ATP1A3: variants seen among roughly 807,000 people sequenced by gnomAD.
ATP1A3 encodes sodium/potassium-transporting ATPase subunit alpha-3.
A neutral mutation model predicts 108.8 loss-of-function variants in ATP1A3; 12 were observed. The ratio of observed to expected loss-of-function variants is 0.11; its 90% confidence interval spans 0.07 to 0.18. The LOEUF is 0.18. ATP1A3 is among the 10% of genes least tolerant of loss of function. ATP1A3 has a pLI of 1.00. For synonymous variants in ATP1A3, 539 were observed against 564.5 expected, an observed-to-expected ratio of 0.95 and a Z score of 0.64; for missense variants, 498 against 1,387.7, an observed-to-expected ratio of 0.36 and a Z score of 10.19.
intron 16 of ATP1A3, 125 bp downstream of exon 16, chr19:41,975,504 C>T (rs1217236197): frequency 1.4e-6 from 2 of 1,401,386 alleles, no homozygotes; most frequent in Non-Finnish European, 9.8e-7. Flanking sequence ...GGCTCAGGCT[C>T]CTCCAGGGCC....
In ATP1A3 at chr19:41,969,444, C is replaced by T. The variant is rs2075078881; in HGVS notation, c.2679G>A (p.Gly893=). 6.2e-7 allele frequency: 1 copy of T among 1,614,184 alleles called. No individual in the cohort carries two copies. The highest frequency in any genetic ancestry group is 8.5e-7 in the Non-Finnish European group (1 of 1,180,034). The part of the protein sequence containing the change: ...RTVNDLEDSY[G]QQWTYEQRKV... ...ACCCTGCCCTACTCACCCACTGCTG[C>T]CCGTAACTGTCTTCCAGGTCATTGA... Residue 893 remains glycine, a synonymous_variant, in exon 19 of 23, where the codon GGG becomes GGA. Transcript: ENST00000648268.
At chr19:41,973,011 T>C (rs1355010968) in intron 16 of ATP1A3, among the ~76,000 whole-genome samples, 1 of 152,186 alleles carries the variant, frequency 6.6e-6, no homozygotes, top group Admixed American at 6.5e-5. Flanking sequence ...CGCTCCCACC[T>C]GATATTCTCG....
Position 41,967,635 on chromosome 19 carries a change from C to T in ATP1A3, c.2921+27G>A, listed in dbSNP as rs374318330. The T allele has an allele frequency of 9.9e-6, 16 of 1,609,836 alleles. No individual in the cohort carries two copies. The highest frequency in any genetic ancestry group is 1.3e-5 in the Non-Finnish European group (15 of 1,177,376). ...GCTCCATGGCAGGCGCTGGTGTGGG[C>T]AGGGCTGGGGGCAGCGGGGCACTCA... On this transcript the variant is annotated intron_variant, in intron 21 of 22. Transcript: ENST00000648268. The surrounding 1 kb of genome is among the most constrained non-coding windows in gnomAD (Gnocchi z 4.2).
Position 41,988,597 on chromosome 19 carries a change from C to G in ATP1A3, c.7-35G>C, listed in dbSNP as rs782179918. ...GGCGATACGATAGCTGTCAGAGCCA[C>G]CAGACTGCGGGCGAGAAGGGGTTCC... On this transcript the variant is annotated intron_variant, in intron 1 of 22. Transcript: ENST00000648268. The surrounding 1 kb of genome is among the most constrained non-coding windows in gnomAD (Gnocchi z 5.3). 1 of 1,614,000 alleles carries G rather than the reference C, an allele frequency of 6.2e-7. No homozygotes were observed. Among genetic ancestry groups the G allele is most frequent in the Non-Finnish European group, 8.5e-7 (1 of 1,180,038 alleles).
chr19:41,993,312 G>T, intron 1 of ATP1A3: 1 of 1,385,424 alleles, frequency 7.2e-7, no homozygotes, highest in Non-Finnish European at 9.9e-7. Context: ...GGACACAGAG[G>T]CAAGGACACA....
chr19:41,980,309 G>A (rs1714814175), intron 11 of ATP1A3, among the ~76,000 whole-genome samples: 1 of 152,138 alleles, frequency 6.6e-6, no homozygotes, highest in African/African-American at 2.4e-5. Flanking sequence ...TGTGGTGGCT[G>A]GTCAAAAAAT....
At chr19:41,983,239 G>C (rs2075252751) in intron 8 of ATP1A3, among the ~76,000 whole-genome samples, 1 of 151,888 alleles carries the variant, frequency 6.6e-6, no homozygotes, top group Non-Finnish European at 1.5e-5. Flanking sequence ...CATCACGCCT[G>C]GCTAATTTTT....
At chr19:41,975,291 T>A (rs2075154255) in intron 16 of ATP1A3, among the ~76,000 whole-genome samples, 7 of 152,222 alleles carry the variant, frequency 4.6e-5, no homozygotes, top group Admixed American at 4.6e-4. Flanking sequence ...GACCTCATGA[T>A]CTGCCTGCTT....
chr19:41,968,686 C>CA lies in ATP1A3; in HGVS notation c.2819+98dup. On this transcript the variant is annotated intron_variant, in intron 20 of 22. Transcript: ENST00000648268. The surrounding 1 kb of genome is among the most constrained non-coding windows in gnomAD (Gnocchi z 5.0). Reference sequence around the variant, plus strand: ...GTGAGACCCTGCCTCAACAAAACAACAAAAAACCAAAGCAAGGACACAAGA... The same window carrying CA: ...GTGAGACCCTGCCTCAACAAAACAACAAAAAAACCAAAGCAAGGACACAAGA... 1.3e-6 allele frequency: 2 copies of CA among 1,579,220 alleles called. No individual in the cohort carries two copies. Among genetic ancestry groups the CA allele is most frequent in the South Asian group, 1.1e-5 (1 of 89,280 alleles).
At position 41,985,336 on chromosome 19, in the gene ATP1A3, T is replaced by C. The variant is rs2075276386; in HGVS notation, c.694A>G (p.Ile232Val). 1.2e-6 allele frequency: 2 copies of C among 1,614,070 alleles called. No individual in the cohort carries two copies. Among genetic ancestry groups the C allele is most frequent in the South Asian group, 2.2e-5 (2 of 91,082 alleles). Residue 232 changes from isoleucine (I) to valine (V), a missense_variant, in exon 7 of 23, where the codon ATC becomes GTC. Transcript: ENST00000648268. The surrounding 1 kb of genome is among the most constrained non-coding windows in gnomAD (Gnocchi z 8.2). ...ACACAGTTGGTGGAAAAGAAGGTGA[T>C]GTTCCGAGTCTCCAAGGGGTTGTCG... The part of the protein sequence containing the change: ...THDNPLETRN[I>V]TFFSTNCVEG...
intron 11 of ATP1A3, among the ~76,000 whole-genome samples, chr19:41,979,819 A>G (rs556082520): frequency 2.6e-5 from 4 of 152,332 alleles, no homozygotes; most frequent in African/African-American, 9.6e-5. Flanking sequence ...CTATTAAATT[A>G]TACACTTAGA....
intron 8 of ATP1A3, 169 bp downstream of exon 8, chr19:41,984,749 G>A (rs1599722195): frequency 3.3e-5 from 25 of 750,118 alleles, no homozygotes; most frequent in Admixed American, 1.8e-4. Context: ...CCCCTTCTCC[G>A]GACCCAGGGG....
At chr19:41,992,163 CT>C (rs2075346361) in intron 1 of ATP1A3, among the ~76,000 whole-genome samples, 1 of 150,558 alleles carries the variant, frequency 6.6e-6, no homozygotes, top group South Asian at 2.1e-4. Context: ...GGGCTGGGGC[CT>C]GGACTCCTGG....
intron 1 of ATP1A3, 161 bp downstream of exon 1, chr19:41,993,910 C>A: frequency 7.4e-7 from 1 of 1,352,898 alleles, no homozygotes; most frequent in South Asian, 1.3e-5. Context: ...CCCCCTGCGG[C>A]CCCACGACCA....
intron 16 of ATP1A3, among the ~76,000 whole-genome samples, chr19:41,972,198 C>T (rs977259174): frequency 2.6e-5 from 4 of 152,044 alleles, no homozygotes; most frequent in East Asian, 1.9e-4. Flanking sequence ...TGCAGTGAGC[C>T]GCAATTGTGC....
At chr19:41,975,858 G>C in intron 15 of ATP1A3, 61 bp from the exon 16 acceptor site, 1 of 1,608,272 alleles carries the variant, frequency 6.2e-7, no homozygotes, top group Non-Finnish European at 8.5e-7. Context: ...CCCTCCCTCA[G>C]ATCCAGAAGC....
rs1555863258 is a variant in ATP1A3 at position 41,981,435 on chromosome 19, A to T, written c.1437+67T>A. The T allele has an allele frequency of 1.9e-6, 3 of 1,611,108 alleles. No individual in the cohort carries two copies. Among genetic ancestry groups the T allele is most frequent in the Non-Finnish European group, 2.5e-6 (3 of 1,177,828 alleles). On this transcript the variant is annotated intron_variant, in intron 11 of 22. Coordinates refer to ENST00000648268, the MANE Select transcript of ATP1A3 (RefSeq NM_152296.5). The surrounding 1 kb of genome is among the most constrained non-coding windows in gnomAD (Gnocchi z 5.0). ...CAGACGGGAAAATCAAGGCTCTATG[A>T]CACCTCTTTACAGGCGTCATAAGGA... is the stretch of plus-strand genomic sequence containing the variant.
chr19:41,978,560 C>T lies in ATP1A3; in HGVS notation c.1630+46G>A. 1 of 1,607,606 alleles carries T rather than the reference C, an allele frequency of 6.2e-7. No homozygotes were observed. The highest frequency in any genetic ancestry group is 8.5e-7 in the Non-Finnish European group (1 of 1,179,366). The stretch of plus-strand genomic sequence containing the variant: ...ACAGGCTTTGGGCAGCATCACAACC[C>T]TCCTTGCCCTCCAGGGACCCCAGAG... On this transcript the variant is annotated intron_variant, in intron 12 of 22. Transcript: ENST00000648268. The surrounding 1 kb of genome is among the most constrained non-coding windows in gnomAD (Gnocchi z 8.3).
chr19:41,987,666 T>A (rs1392714114), intron 4 of ATP1A3, among the ~76,000 whole-genome samples: 1 of 152,084 alleles, frequency 6.6e-6, no homozygotes, highest in Non-Finnish European at 1.5e-5. Context: ...CCTGCTGGTG[T>A]CTGTTCTCAA....
Sources: allele counts gnomAD v4.1 joint callset (sites outside exome capture counted in the v4.1 genomes callset), GRCh38; gene constraint gnomAD v4.1.1; non-coding constraint Gnocchi (gnomAD v3.1); transcripts MANE v1.5; gene names NCBI Gene and HGNC (gene_info 2026-07-23, HGNC 2026-07-21).